The following GRIK2 variants were observed in gnomAD, a reference collection of about 807,000 sequenced individuals.
The protein encoded by GRIK2 is glutamate receptor ionotropic, kainate 2.
GRIK2 carries 32 observed loss-of-function variants against 100.3 expected under a neutral mutation model. The ratio of observed to expected loss-of-function variants is 0.32; its 90% CI spans 0.24 to 0.43. The LOEUF is 0.43. Among genes scored for constraint, GRIK2 ranks in the 20% least tolerant of loss-of-function variants. The probability of loss-of-function intolerance (pLI) is 1.00; values close to 1 mark genes in which losing one functional copy is unlikely to be tolerated. For missense variants in GRIK2, 843 were observed against 1,114.9 expected (o/e 0.76, Z 3.47); for synonymous variants, 417 against 389.4 (o/e 1.07, Z -0.83).
chr6:102,063,462 T>C (rs1351657648), intron 16 of GRIK2, among the ~76,000 whole-genome samples: 6 of 150,772 alleles, frequency 4.0e-5, no homozygotes, highest in African/African-American at 7.3e-5. Flanking sequence ...CTTCAGATAC[T>C]GTTTTTCAAA....
chr6:101,440,529 C>A (rs1418741275), intron 2 of GRIK2, among the ~76,000 whole-genome samples: 2 of 152,110 alleles, frequency 1.3e-5, no homozygotes, highest in Non-Finnish European at 2.9e-5. Context: ...GAAGGAAAAT[C>A]ATTTGAGGAA....
Position 101,871,176 on chromosome 6 carries a change from G to A in GRIK2, c.1524+11683G>A, listed in dbSNP as rs562490325. On this transcript the variant is annotated intron_variant, in intron 11 of 16. Coordinates refer to ENST00000369134, the MANE Select transcript of GRIK2 (RefSeq NM_021956.5). ...GCATGTGAAGAAAAAGTCATCCTGGGCAACACATGGTTTATCTTTTAAACA... is the reference window on the plus strand; with the variant it reads ...GCATGTGAAGAAAAAGTCATCCTGGACAACACATGGTTTATCTTTTAAACA... 4.0e-5 allele frequency among the ~76,000 whole-genome samples: 6 copies of A among 151,748 alleles called. No individual in the cohort carries two copies. In the South Asian group the frequency reaches 1.2e-3, roughly 31 times the overall value.
chr6:101,938,949 A>G (rs1019906142), intron 14 of GRIK2, among the ~76,000 whole-genome samples: 5 of 152,026 alleles, frequency 3.3e-5, no homozygotes, highest in African/African-American at 1.2e-4. Context: ...TTCAGTGAAA[A>G]GATTTGATTA....
chr6:102,047,012 A>G (rs1000577687), intron 15 of GRIK2, among the ~76,000 whole-genome samples: 2 of 152,180 alleles, frequency 1.3e-5, no homozygotes, highest in African/African-American at 4.8e-5. Flanking sequence ...ATATTGAAAC[A>G]AATGACAGTA....
At chr6:101,744,558 A>ACACACACATATATATATATATACG (rs1776299516) in intron 7 of GRIK2, 2 of 115,046 alleles carry the variant, frequency 1.7e-5, no homozygotes, top group African/African-American at 7.4e-5. Flanking sequence ...ATATATATAT[A>ACACACACATATATATATATATACG]TCACAATTTC....
intron 10 of GRIK2, among the ~76,000 whole-genome samples, chr6:101,833,865 A>G (rs1413535760): frequency 6.6e-6 from 1 of 152,048 alleles, no homozygotes; most frequent in Non-Finnish European, 1.5e-5. Context: ...CTAGTTTCTT[A>G]TATCAGGGTT....
chr6:101,524,718 G>GTTTTT (rs11339091), intron 2 of GRIK2, among the ~76,000 whole-genome samples: 10 of 134,280 alleles, frequency 7.4e-5, no homozygotes, highest in African/African-American at 5.7e-5. Context: ...TTGCATGTTC[G>GTTTTT]TTTTTTTTTT....
rs182549703 is a variant in GRIK2, at chr6:101,666,739, A to T, written c.542-9884A>T. ...AGATATGCCAGCGTACAGACAGTGT[A>T]TTAGAGTCCTAGCAGAAAGTAAAAT... is the stretch of plus-strand genomic sequence containing the variant. On this transcript the variant is annotated intron_variant, in intron 4 of 16. Coordinates refer to ENST00000369134, the MANE Select transcript of GRIK2 (RefSeq NM_021956.5). 1.8e-3 allele frequency among the ~76,000 whole-genome samples: 268 copies of T among 152,346 alleles called. 2 individuals carry two copies. Among genetic ancestry groups the T allele is most frequent in the African/African-American group, 5.8e-3 (243 of 41,592 alleles).
At chr6:101,514,279 C>A (rs373409300) in intron 2 of GRIK2, among the ~76,000 whole-genome samples, 1 of 151,778 alleles carries the variant, frequency 6.6e-6, no homozygotes, top group Non-Finnish European at 1.5e-5. Flanking sequence ...ATGGCTCCAA[C>A]GATTGGAGGA....
chr6:101,910,611 T>C (rs1788609246), intron 12 of GRIK2, among the ~76,000 whole-genome samples: 1 of 151,304 alleles, frequency 6.6e-6, no homozygotes, highest in Non-Finnish European at 1.5e-5. Context: ...TATTGTATAT[T>C]TGAGCATGTT....
chr6:102,068,394 G>A lies in GRIK2; in HGVS notation c.2610G>A (p.Lys870=). 1 of 1,612,086 alleles carries A rather than the reference G, an allele frequency of 6.2e-7. No homozygotes were observed. ...TAGAAGAATTGAGGATGTCCCTGAA[G>A]TGCCAGCGTCGGTTAAAACATAAGC... The part of the protein sequence containing the change: ...AMVEELRMSL[K]CQRRLKHKPQ... The change falls in exon 17 of 17, where the codon AAG becomes AAA. Residue 870 remains lysine (K), a synonymous_variant. Coordinates refer to ENST00000369134, the MANE Select transcript of GRIK2 (RefSeq NM_021956.5).
At chr6:101,975,793 G>GTCTGTCTATCTATCTGTCTGTCTA (rs1793328591) in intron 14 of GRIK2, among the ~76,000 whole-genome samples, 4 of 96,936 alleles carry the variant, frequency 4.1e-5, no homozygotes, top group African/African-American at 1.4e-4. Flanking sequence ...CTGTCTGTCT[G>GTCTGTCTATCTATCTGTCTGTCTA]TCTATCTATC....
At chr6:102,065,892 A>G (rs1287580017) in intron 16 of GRIK2, 1 of 1,441,158 alleles carries the variant, frequency 6.9e-7, no homozygotes, top group Admixed American at 2.8e-5. Flanking sequence ...CATCTTCATC[A>G]TCATTATCAT....
chr6:101,657,712 GT>G (rs1769295699), intron 4 of GRIK2, among the ~76,000 whole-genome samples: 2 of 152,122 alleles, frequency 1.3e-5, no homozygotes, highest in Non-Finnish European at 2.9e-5. Context: ...TGTGGCATAT[GT>G]TTGATAGCAA....
intron 2 of GRIK2, among the ~76,000 whole-genome samples, chr6:101,432,693 G>T (rs187610320): frequency 6.6e-6 from 1 of 152,082 alleles, no homozygotes. Context: ...TGAGAGGAGG[G>T]TATGATGAAT....
At chr6:101,794,004 C>A (rs1386915687) in intron 7 of GRIK2, among the ~76,000 whole-genome samples, 2 of 152,166 alleles carry the variant, frequency 1.3e-5, no homozygotes, top group African/African-American at 4.8e-5. Context: ...GGGCGTAGGA[C>A]CCTCCGAGCC....
chr6:101,683,417 T>A (rs1211519996), intron 6 of GRIK2, among the ~76,000 whole-genome samples: 1 of 152,180 alleles, frequency 6.6e-6, no homozygotes, highest in Non-Finnish European at 1.5e-5. Flanking sequence ...TATTTTGTTT[T>A]CACATACCCA....
At chr6:101,542,630 C>T (rs894200299) in intron 2 of GRIK2, among the ~76,000 whole-genome samples, 2 of 151,942 alleles carry the variant, frequency 1.3e-5, no homozygotes, top group Admixed American at 6.6e-5. Flanking sequence ...AAAACATTAC[C>T]GAGTTAGCAA....
intron 9 of GRIK2, among the ~76,000 whole-genome samples, chr6:101,810,450 G>A (rs1163548952): frequency 6.6e-6 from 1 of 151,848 alleles, no homozygotes; most frequent in African/African-American, 2.4e-5. Flanking sequence ...GGTAAAATCC[G>A]AGATCCTATG....
Sources: allele counts gnomAD v4.1 joint callset (sites outside exome capture counted in the v4.1 genomes callset), GRCh38; gene constraint gnomAD v4.1.1; transcripts MANE v1.5; gene names NCBI Gene and HGNC (gene_info 2026-07-23, HGNC 2026-07-21).